The following WDR72 variants were observed in gnomAD, a reference collection of about 807,000 sequenced individuals.
WDR72 encodes WD repeat-containing protein 72.
Under a neutral mutation model 124.2 loss-of-function variants are expected in WDR72, and 120 were observed. The observed-to-expected ratio is 0.97, with a 90% CI of 0.83 to 1.12. The LOEUF is 1.12. Among genes scored for constraint, WDR72 ranks in the 50% most tolerant of loss-of-function variants. WDR72 has a pLI of 0.00. For missense variants in WDR72, 1,387 were observed against 1,278.8 expected (o/e 1.08, Z -1.29); for synonymous variants, 452 against 441.7 (o/e 1.02, Z -0.29).
At chr15:53,523,525 G>A (rs1010865151) in intron 18 of WDR72, among the ~76,000 whole-genome samples, 2 of 152,056 alleles carry the variant, frequency 1.3e-5, no homozygotes, top group African/African-American at 4.8e-5. Flanking sequence ...CTATAGATGT[G>A]ACTTTATCTT....
chr15:53,615,442 C>G lies in WDR72; in HGVS notation c.2764G>C (p.Ala922Pro), dbSNP rs774819914. 4 of 1,610,248 alleles carry G rather than the reference C, an allele frequency of 2.5e-6. No homozygotes were observed. In the East Asian group the frequency reaches 8.9e-5, roughly 36 times the overall value. The change falls in exon 15 of 20, where the codon GCA becomes CCA. Residue 922 changes from alanine (A) to proline (P), a missense_variant. Ala to Pro is a conservative substitution (Grantham distance 27). Transcript: ENST00000360509. Reference sequence around the variant, plus strand: ...ATGTCTTACCTGCCAACTCTACATGCCAATTCTAAAGGCATGTTAACTAAT... The same window carrying G: ...ATGTCTTACCTGCCAACTCTACATGGCAATTCTAAAGGCATGTTAACTAAT... ...NKLVNMPLELACRVGSSFRME... is the reference protein window; with the variant it reads ...NKLVNMPLELPCRVGSSFRME...
intron 19 of WDR72, among the ~76,000 whole-genome samples, chr15:53,522,947 C>G (rs950504005): frequency 2.6e-5 from 4 of 151,996 alleles, no homozygotes; most frequent in African/African-American, 7.2e-5. Flanking sequence ...CTCTATTAAC[C>G]ATTTAGCCTA....
intron 7 of WDR72, among the ~76,000 whole-genome samples, chr15:53,712,124 A>C (rs1304323504): frequency 6.6e-6 from 1 of 152,206 alleles, no homozygotes; most frequent in Non-Finnish European, 1.5e-5. Flanking sequence ...TTAGTTCTGA[A>C]ATGTAAACAC....
intron 17 of WDR72, among the ~76,000 whole-genome samples, chr15:53,601,711 C>G (rs1231217845): frequency 6.6e-6 from 1 of 152,050 alleles, no homozygotes; most frequent in Non-Finnish European, 1.5e-5. Context: ...ACAAAACAGA[C>G]TTTAAACCAA....
chr15:53,717,838 C>T (rs1482224761), intron 3 of WDR72, among the ~76,000 whole-genome samples: 1 of 151,978 alleles, frequency 6.6e-6, no homozygotes, highest in South Asian at 2.1e-4. Context: ...TTATATCCAG[C>T]CTCATTCCAA....
intron 1 of WDR72, among the ~76,000 whole-genome samples, chr15:53,733,819 G>A (rs2018274236): frequency 6.6e-6 from 1 of 152,098 alleles, no homozygotes; most frequent in Admixed American, 6.5e-5. Context: ...ATCAAAAAAT[G>A]TTATCTATGA....
At chr15:53,530,928 G>A (rs1359150802) in intron 18 of WDR72, among the ~76,000 whole-genome samples, 3 of 152,066 alleles carry the variant, frequency 2.0e-5, no homozygotes, top group Admixed American at 1.3e-4. Context: ...TCAGTGTGGG[G>A]AGAATAGTTG....
chr15:53,609,910 A>T (rs955205220), intron 16 of WDR72, among the ~76,000 whole-genome samples: 1 of 151,996 alleles, frequency 6.6e-6, no homozygotes, highest in Non-Finnish European at 1.5e-5. Context: ...ACATATTCAC[A>T]TCAAATCAAA....
intron 3 of WDR72, 121 bp downstream of exon 3, chr15:53,722,681 T>C: frequency 2.4e-6 from 2 of 829,942 alleles, no homozygotes; most frequent in Non-Finnish European, 4.2e-6. Flanking sequence ...TAAATGTTCC[T>C]ATATGTGAGA....
intron 14 of WDR72, among the ~76,000 whole-genome samples, chr15:53,623,620 C>T (rs764480446): frequency 3.9e-5 from 6 of 152,062 alleles, no homozygotes; most frequent in Non-Finnish European, 7.4e-5. Flanking sequence ...AATGAACATA[C>T]AAGATCACGT....
intron 14 of WDR72, among the ~76,000 whole-genome samples, chr15:53,636,091 T>C (rs2014613108): frequency 6.6e-6 from 1 of 152,224 alleles, no homozygotes; most frequent in Non-Finnish European, 1.5e-5. Flanking sequence ...CTTGGTTTTA[T>C]GCTATACTAT....
intron 18 of WDR72, among the ~76,000 whole-genome samples, chr15:53,547,766 C>T (rs749453940): frequency 6.6e-6 from 1 of 152,194 alleles, no homozygotes; most frequent in Admixed American, 6.5e-5. Flanking sequence ...AAGAAACCTG[C>T]CCATCCTGTG....
intron 18 of WDR72, among the ~76,000 whole-genome samples, chr15:53,535,211 A>G (rs953254014): frequency 2.0e-5 from 3 of 152,166 alleles, no homozygotes; most frequent in Non-Finnish European, 4.4e-5. Context: ...ACTAAACAAT[A>G]ATTCTTAAGG....
chr15:53,726,288 A>G lies in WDR72; in HGVS notation c.154-3380T>C, dbSNP rs570888165. On this transcript the variant is annotated intron_variant, in intron 2 of 19. Coordinates refer to ENST00000360509, the MANE Select transcript of WDR72 (RefSeq NM_182758.4). ...TGTATATATATATATATATATATAC[A>G]CACACACACTGCTCTAGTGTGGGAT... Among the ~76,000 whole-genome samples the G allele has an allele frequency of 7.8e-5, 7 of 90,314 alleles. No homozygotes were observed. In the South Asian group the frequency reaches 2.4e-3, roughly 30 times the overall value. 59.2% of individuals were successfully genotyped at this position (90,314 alleles called of 152,430 possible). A position where few individuals can be genotyped will look rare whatever the true frequency, so the allele number is the denominator to read the frequency against.
upstream of WDR72, among the ~76,000 whole-genome samples, chr15:53,759,928 G>A (rs1485352214): frequency 6.6e-6 from 1 of 151,968 alleles, no homozygotes; most frequent in Non-Finnish European, 1.5e-5. Flanking sequence ...CTCAGGGCTG[G>A]AGAGAATTAG....
chr15:53,699,882 C>T lies in WDR72; in HGVS notation c.1633G>A (p.Glu545Lys), dbSNP rs747582414. 10 of 1,614,040 alleles carry T rather than the reference C, an allele frequency of 6.2e-6. No homozygotes were observed. Among genetic ancestry groups the T allele is most frequent in the Non-Finnish European group, 7.6e-6 (9 of 1,180,034 alleles). The change falls in exon 13 of 20, where the codon GAG becomes AAG. Residue 545 changes from glutamate to lysine, a missense_variant. Transcript: ENST00000360509. Reference protein sequence around the residue: ...GDHSVALLHLEGKSCLLHARK... With the variant: ...GDHSVALLHLKGKSCLLHARK... ...GCATGCAGGAGGCAACTCTTTCCCT[C>T]AAGGTGAAGGAGAGCCACGGAATGG...
At chr15:53,562,961 G>A (rs963369309) in intron 18 of WDR72, among the ~76,000 whole-genome samples, 2 of 151,690 alleles carry the variant, frequency 1.3e-5, no homozygotes, top group Admixed American at 6.6e-5. Flanking sequence ...TTAATTATTC[G>A]ATGAAATGTT....
At chr15:53,574,665 GA>G (rs1894685729) in intron 18 of WDR72, among the ~76,000 whole-genome samples, 3 of 152,052 alleles carry the variant, frequency 2.0e-5, no homozygotes, top group Non-Finnish European at 4.4e-5. Flanking sequence ...TATGTTTCTT[GA>G]AATAATTTTT....
At chr15:53,710,496 A>T (rs1315893104) in intron 9 of WDR72, among the ~76,000 whole-genome samples, 2 of 152,206 alleles carry the variant, frequency 1.3e-5, no homozygotes, top group African/African-American at 4.8e-5. Context: ...ATTATTTGAA[A>T]ATTTTCCAAT....
Sources: gnomAD v4.1 joint callset for allele counts (sites outside exome capture counted in the v4.1 genomes callset) on GRCh38, gnomAD v4.1.1 for gene constraint, MANE v1.5 for transcripts, NCBI Gene and HGNC (gene_info 2026-07-23, HGNC 2026-07-21) for gene names.